The following RCSD1 variants were observed in gnomAD, a reference collection of about 807,000 sequenced individuals.
RCSD1 encodes RCSD domain containing 1, also known as capZ-interacting protein.
Under a neutral mutation model 42.5 loss-of-function variants are expected in RCSD1, and 26 were observed. The ratio of observed to expected loss-of-function variants is 0.61; its 90% CI spans 0.45 to 0.85. The LOEUF (loss-of-function observed/expected upper bound fraction) is 0.85, where lower values mean the gene tolerates loss of function less well. RCSD1 is among the 40% of genes least tolerant of loss of function. RCSD1 has a pLI of 0.00. For missense variants in RCSD1, 571 were observed against 528.3 expected, an observed-to-expected ratio of 1.08 and a Z score of -0.79; for synonymous variants, 220 against 212.2, an observed-to-expected ratio of 1.04 and a Z score of -0.32.
intron 1 of RCSD1, among the ~76,000 whole-genome samples, chr1:167,644,787 G>T (rs1012669731): frequency 2.6e-5 from 4 of 152,210 alleles, no homozygotes; most frequent in African/African-American, 9.6e-5. Context: ...TAAAACAGCT[G>T]CGGGGATTGG....
intron 1 of RCSD1, among the ~76,000 whole-genome samples, chr1:167,639,349 A>T (rs1657948734): frequency 6.6e-6 from 1 of 152,168 alleles, no homozygotes; most frequent in South Asian, 2.1e-4. Context: ...TTGATTTTGC[A>T]TTTTTGTGTA....
intron 6 of RCSD1, among the ~76,000 whole-genome samples, chr1:167,703,853 T>G (rs1659698471): frequency 6.6e-6 from 1 of 152,188 alleles, no homozygotes; most frequent in Non-Finnish European, 1.5e-5. Flanking sequence ...TGAAATTGCC[T>G]GCAGCCCACT....
rs1314062426 is a variant in RCSD1 at position 167,705,489 on chromosome 1, T to G, written c.*793T>G. Reference sequence around the variant, plus strand: ...AGAGGCAGAATGGCAGGAGGTTTCATGTCCCGCGTTGCATCTCCTCCTGAA... The same window carrying G: ...AGAGGCAGAATGGCAGGAGGTTTCAGGTCCCGCGTTGCATCTCCTCCTGAA... On this transcript the variant is annotated 3_prime_UTR_variant, in exon 7 of 7. Coordinates refer to ENST00000367854, the MANE Select transcript of RCSD1 (RefSeq NM_052862.4). The G allele has an allele frequency of 2.6e-5, 4 of 152,290 alleles. No homozygotes were observed. In the East Asian group the frequency reaches 7.7e-4, roughly 29 times the overall value. The allele number at this position is 152,290 out of a possible 1,614,324, so 9.4% of individuals were successfully genotyped here.
chr1:167,684,746 T>C (rs1396619416), intron 2 of RCSD1, among the ~76,000 whole-genome samples: 2 of 152,128 alleles, frequency 1.3e-5, no homozygotes, highest in Admixed American at 6.5e-5. Context: ...TGGTGGCACA[T>C]GCCTGTAAGC....
intron 1 of RCSD1, among the ~76,000 whole-genome samples, chr1:167,654,681 T>C (rs1658383694): frequency 6.6e-6 from 1 of 152,070 alleles, no homozygotes; most frequent in Non-Finnish European, 1.5e-5. Flanking sequence ...GACTTATATT[T>C]GAGAAAGGTT....
At position 167,697,087 on chromosome 1, in the gene RCSD1, ACTTT is replaced by A. The variant is rs768446138; in HGVS notation, c.475-8_475-5del. ...GAGTTTTTGGATAACTTTCCTTAAC[ACTTT>A]CTTCTAGGTGCGGACGAGGGGCTCA... On this transcript the variant is annotated splice_region_variant and splice_polypyrimidine_tract_variant and intron_variant, in intron 5 of 6. Transcript: ENST00000367854. 1.5e-3 allele frequency: 2,363 copies of A among 1,600,082 alleles called. 4 individuals are homozygous for A. The highest frequency in any genetic ancestry group is 1.8e-3 in the Non-Finnish European group (2,159 of 1,173,942).
intron 1 of RCSD1, among the ~76,000 whole-genome samples, chr1:167,655,514 G>C (rs1050899782): frequency 1.1e-4 from 16 of 152,132 alleles, no homozygotes; most frequent in African/African-American, 3.1e-4. Flanking sequence ...TTATCAAAAA[G>C]TCTCCCTGCT....
intron 3 of RCSD1, among the ~76,000 whole-genome samples, chr1:167,685,875 T>C (rs1401320430): frequency 6.6e-6 from 1 of 152,058 alleles, no homozygotes; most frequent in African/African-American, 2.4e-5. Context: ...TGGAATAAGG[T>C]GTGGAGAAGG....
At chr1:167,663,042 T>C (rs537004735) in intron 1 of RCSD1, among the ~76,000 whole-genome samples, 2 of 152,200 alleles carry the variant, frequency 1.3e-5, no homozygotes, top group Non-Finnish European at 2.9e-5. Context: ...TCAGGGCCAG[T>C]GAGTTCACGC....
intron 1 of RCSD1, among the ~76,000 whole-genome samples, chr1:167,678,985 C>T (rs1320928272): frequency 1.3e-5 from 2 of 152,194 alleles, no homozygotes; most frequent in African/African-American, 4.8e-5. Context: ...TTCTTCACAG[C>T]GTTTAACAAA....
intron 1 of RCSD1, among the ~76,000 whole-genome samples, chr1:167,640,153 G>T (rs1000961556): frequency 1.3e-5 from 2 of 152,204 alleles, no homozygotes; most frequent in African/African-American, 4.8e-5. Flanking sequence ...GTATGAGTTT[G>T]CGAGGGCTGC....
At chr1:167,695,063 A>G (rs112887035) in intron 5 of RCSD1, among the ~76,000 whole-genome samples, 74 of 152,030 alleles carry the variant, frequency 4.9e-4, no homozygotes, top group African/African-American at 1.6e-3. Context: ...CCATTCTAGG[A>G]AGTCCAGCTA....
At chr1:167,637,326 C>T (rs1466253221) in intron 1 of RCSD1, among the ~76,000 whole-genome samples, 1 of 152,172 alleles carries the variant, frequency 6.6e-6, no homozygotes, top group African/African-American at 2.4e-5. Flanking sequence ...ATGTAAGTTG[C>T]AGTTCCTGCC....
At chr1:167,688,330 T>C (rs1200091813) in intron 3 of RCSD1, among the ~76,000 whole-genome samples, 1 of 152,172 alleles carries the variant, frequency 6.6e-6, no homozygotes, top group Non-Finnish European at 1.5e-5. Context: ...AAATTGTTGC[T>C]GCAGTTTCTA....
At chr1:167,699,143 G>A (rs780931113) in intron 6 of RCSD1, among the ~76,000 whole-genome samples, 16 of 151,984 alleles carry the variant, frequency 1.1e-4, no homozygotes, top group Middle Eastern at 3.4e-3. Context: ...TTCCCCCTGC[G>A]TATATAATCC....
At chr1:167,677,682 T>C (rs1658984729) in intron 1 of RCSD1, among the ~76,000 whole-genome samples, 2 of 152,224 alleles carry the variant, frequency 1.3e-5, no homozygotes, top group Non-Finnish European at 2.9e-5. Flanking sequence ...CATAGCTCAG[T>C]GAATCTGCAT....
intron 3 of RCSD1, among the ~76,000 whole-genome samples, chr1:167,687,502 G>A (rs1165486934): frequency 8.2e-5 from 12 of 145,590 alleles, no homozygotes; most frequent in Non-Finnish European, 1.5e-4. Flanking sequence ...CAGCCTGGGT[G>A]ACACAGCAAG....
At chr1:167,674,264 G>T (rs1297022122) in intron 1 of RCSD1, among the ~76,000 whole-genome samples, 4 of 152,216 alleles carry the variant, frequency 2.6e-5, no homozygotes, top group African/African-American at 9.6e-5. Context: ...CCAGTGGTGG[G>T]TTGGAAGAGA....
chr1:167,686,590 T>A (rs1659242496), intron 3 of RCSD1, among the ~76,000 whole-genome samples: 1 of 152,232 alleles, frequency 6.6e-6, no homozygotes, highest in Non-Finnish European at 1.5e-5. Context: ...CTCTCCCCAC[T>A]GACCAAGGGT....
Sources: gnomAD v4.1 joint callset for allele counts (sites outside exome capture counted in the v4.1 genomes callset) on GRCh38, gnomAD v4.1.1 for gene constraint, MANE v1.5 for transcripts, NCBI Gene and HGNC (gene_info 2026-07-23, HGNC 2026-07-21) for gene names.